QRICH1: variants seen among roughly 807,000 people sequenced by gnomAD.
QRICH1 encodes glutamine rich 1, also known as transcriptional regulator QRICH1.
QRICH1 carries 16 observed loss-of-function variants against 87.1 expected under a neutral mutation model. That is an observed-to-expected ratio of 0.18 (90% CI 0.12 to 0.28). QRICH1 has a LOEUF of 0.28. QRICH1 is among the 10% of genes least tolerant of loss of function. The pLI is 1.00. For synonymous variants in QRICH1, 367 were observed against 368.4 expected (o/e 1.00, Z 0.05); for missense variants, 647 against 951.7 (o/e 0.68, Z 4.21).
At chr3:49,031,596 C>T (rs1009542995) in intron 9 of QRICH1, among the ~76,000 whole-genome samples, 3 of 152,042 alleles carry the variant, frequency 2.0e-5, no homozygotes, top group Non-Finnish European at 2.9e-5. Flanking sequence ...TAAGTGCTAC[C>T]GAGGAAACAG....
At chr3:49,087,891 G>A (rs1020218270) in intron 1 of QRICH1, among the ~76,000 whole-genome samples, 3 of 141,620 alleles carry the variant, frequency 2.1e-5, no homozygotes, top group Non-Finnish European at 3.0e-5. Flanking sequence ...TTATAAGACA[G>A]ACATGACTCC....
intron 1 of QRICH1, among the ~76,000 whole-genome samples, chr3:49,088,486 CG>C (rs1236898428): frequency 2.0e-5 from 3 of 151,272 alleles, no homozygotes; most frequent in African/African-American, 7.3e-5. Context: ...TTAGTAGAAT[CG>C]GGGTTTCACC....
chr3:49,066,434 T>G lies in QRICH1; in HGVS notation c.310-8544A>C, dbSNP rs145875902. 2.2e-4 allele frequency among the ~76,000 whole-genome samples: 34 copies of G among 152,214 alleles called. No individual in the cohort carries two copies. The East Asian group carries it at 6.2e-3, about 28-fold the overall frequency. On this transcript the variant is annotated intron_variant, in intron 2 of 9. Transcript: ENST00000395443. ...GAATCATAGCTCATATGCTTCATGCTTTACTGTATTTCTTAATTTACTTTA... is the reference window on the plus strand; with the variant it reads ...GAATCATAGCTCATATGCTTCATGCGTTACTGTATTTCTTAATTTACTTTA...
rs865824416 is a variant in QRICH1, at chr3:49,075,190, C to T, written c.309+1519G>A. Among the ~76,000 whole-genome samples, 9 of 151,508 alleles carry T rather than the reference C, an allele frequency of 5.9e-5. No individual in the cohort carries two copies. The South Asian group carries it at 6.3e-4, about 11-fold the overall frequency. ...AAAAAAAATTAATTAATTAGCTGCACGTGGTGGTACATGCCTGTGGTCCCA... is the reference window on the plus strand; with the variant it reads ...AAAAAAAATTAATTAATTAGCTGCATGTGGTGGTACATGCCTGTGGTCCCA... On this transcript the variant is annotated intron_variant, in intron 2 of 9. Coordinates refer to ENST00000395443, the MANE Select transcript of QRICH1 (RefSeq NM_198880.3).
At chr3:49,031,550 ATTAAAG>A (rs1371109825) in intron 9 of QRICH1, among the ~76,000 whole-genome samples, 6 of 152,216 alleles carry the variant, frequency 3.9e-5, no homozygotes, top group East Asian at 1.9e-4. Context: ...ACAGGTAGCA[ATTAAAG>A]TTAAACAAAT....
At chr3:49,090,694 T>C (rs2042260032) in intron 1 of QRICH1, among the ~76,000 whole-genome samples, 1 of 151,874 alleles carries the variant, frequency 6.6e-6, no homozygotes, top group Admixed American at 6.6e-5. Flanking sequence ...CAGCCACCAT[T>C]TCTACCTACA....
At chr3:49,061,918 G>A (rs994009329) in intron 2 of QRICH1, among the ~76,000 whole-genome samples, 1 of 152,092 alleles carries the variant, frequency 6.6e-6, no homozygotes, top group Non-Finnish European at 1.5e-5. Flanking sequence ...TACTAGCTGT[G>A]AAGGAAATTC....
At chr3:49,040,220 G>T (rs1199164802) in intron 6 of QRICH1, among the ~76,000 whole-genome samples, 2 of 152,198 alleles carry the variant, frequency 1.3e-5, no homozygotes, top group Non-Finnish European at 2.9e-5. Flanking sequence ...TCCAAATTAT[G>T]TAGAGTGATG....
At position 49,051,593 on chromosome 3, in the gene QRICH1, C is replaced by A. The variant is rs796512759; in HGVS notation, c.1339-4347G>T. 4.1e-4 allele frequency among the ~76,000 whole-genome samples: 58 copies of A among 140,008 alleles called. 2 individuals are homozygous for A. The South Asian group carries it at 9.3e-3, about 22-fold the overall frequency. The allele number at this position is 140,008 out of a possible 152,430, so 91.9% of individuals were successfully genotyped here. Reference sequence around the variant, plus strand: ...CTAGAACCCCCCCTGCGCCCCCCCCCCCCTCCGCTTAATATACCTAGTGGG... The same window carrying A: ...CTAGAACCCCCCCTGCGCCCCCCCCACCCTCCGCTTAATATACCTAGTGGG... On this transcript the variant is annotated intron_variant, in intron 3 of 9. Transcript: ENST00000395443.
intron 2 of QRICH1, among the ~76,000 whole-genome samples, chr3:49,074,920 AGT>A (rs2041918512): frequency 6.6e-6 from 1 of 152,090 alleles, no homozygotes; most frequent in African/African-American, 2.4e-5. Flanking sequence ...CAGAGCTTGC[AGT>A]GAGCTGAGAT....
intron 3 of QRICH1, among the ~76,000 whole-genome samples, chr3:49,054,045 C>A (rs947283636): frequency 2.6e-5 from 4 of 152,142 alleles, no homozygotes; most frequent in Non-Finnish European, 5.9e-5. Context: ...GATGGAAAAT[C>A]GGGATTCTTC....
chr3:49,093,853 G>A (rs2042328829), intron 1 of QRICH1, 59 bp downstream of exon 1: 2 of 352,368 alleles, frequency 5.7e-6, no homozygotes, highest in African/African-American at 2.1e-5. Flanking sequence ...TGTGTGGGGT[G>A]GGCCCCCCGT....
intron 3 of QRICH1, among the ~76,000 whole-genome samples, chr3:49,053,494 A>AAAAAAAAAAAAAC (rs2093384019): frequency 1.3e-5 from 2 of 151,548 alleles, no homozygotes; most frequent in South Asian, 4.2e-4. Context: ...CTCAAAAAAA[A>AAAAAAAAAAAAAC]AAAAAAAAAA....
Position 49,057,561 on chromosome 3 carries a change from G to A in QRICH1, c.639C>T (p.Ile213=). The A allele has an allele frequency of 6.2e-7, 1 of 1,613,518 alleles. No homozygotes were observed. The highest frequency in any genetic ancestry group is 8.5e-7 in the Non-Finnish European group (1 of 1,179,580). ...QSLAGGQQIQ[I]QTVGALSPPP... ...GTGGGGAAAGGGCACCCACGGTCTG[G>A]ATTTGGATCTGCTGACCACCAGCAA... Residue 213 remains isoleucine (I), a synonymous_variant, in exon 3 of 10, where the codon ATC becomes ATT. Transcript: ENST00000395443. The surrounding 1 kb of genome is among the most constrained non-coding windows in gnomAD (Gnocchi z 5.4).
At chr3:49,070,881 C>T (rs959156052) in intron 2 of QRICH1, among the ~76,000 whole-genome samples, 9 of 152,070 alleles carry the variant, frequency 5.9e-5, no homozygotes, top group South Asian at 2.1e-4. Context: ...GGGAGAAAGA[C>T]GAACGTTAAT....
rs2093327841 is a variant in QRICH1 at position 49,044,381 on chromosome 3, G to A, written c.1786+9C>T. The A allele has an allele frequency of 5.1e-6, 8 of 1,580,440 alleles. No homozygotes were observed. The highest frequency in any genetic ancestry group is 6.9e-6 in the Non-Finnish European group (8 of 1,155,746). ...AGGAAAGATATCCAAGGACAAGGGA[G>A]ACTCTTACCAAGTGGAGTGACCCGG... On this transcript the variant is annotated intron_variant, in intron 6 of 9. Coordinates refer to ENST00000395443, the MANE Select transcript of QRICH1 (RefSeq NM_198880.3).
intron 1 of QRICH1, among the ~76,000 whole-genome samples, chr3:49,087,778 G>A (rs2042193721): frequency 8.9e-6 from 1 of 112,846 alleles, no homozygotes; most frequent in Admixed American, 1.3e-4. Context: ...GGAGGCTGAG[G>A]CAGAAGAATT....
At chr3:49,037,709 G>A (rs1575324687) in intron 6 of QRICH1, among the ~76,000 whole-genome samples, 1 of 151,304 alleles carries the variant, frequency 6.6e-6, no homozygotes, top group East Asian at 1.9e-4. Flanking sequence ...TCCAACGTGG[G>A]CAAGAGAGAG....
At position 49,057,636 on chromosome 3, in the gene QRICH1, C is replaced by T; in HGVS notation, c.564G>A (p.Glu188=). Residue 188 remains glutamate (E), a synonymous_variant, in exon 3 of 10, where the codon GAG becomes GAA. Coordinates refer to ENST00000395443, the MANE Select transcript of QRICH1 (RefSeq NM_198880.3). The surrounding 1 kb of genome is among the most constrained non-coding windows in gnomAD (Gnocchi z 5.4). ...QQIQAAEIPE[E]HIPHQQIQAQ... is the part of the protein sequence containing the mutation. ...CCTGGATTTGCTGATGTGGGATGTG[C>T]TCCTCCGGGATTTCTGCAGCCTGGA... is the stretch of plus-strand genomic sequence containing the variant. The T allele has an allele frequency of 6.2e-7, 1 of 1,614,236 alleles. No homozygotes were observed. The highest frequency in any genetic ancestry group is 8.5e-7 in the Non-Finnish European group (1 of 1,180,054).
Sources: gnomAD v4.1 joint callset for allele counts (sites outside exome capture counted in the v4.1 genomes callset) on GRCh38, gnomAD v4.1.1 for gene constraint, Gnocchi (gnomAD v3.1) non-coding constraint, MANE v1.5 for transcripts, NCBI Gene and HGNC (gene_info 2026-07-23, HGNC 2026-07-21) for gene names.